Variants in ITGA9 observed in about 807,000 individuals in gnomAD.
The protein encoded by ITGA9 is integrin subunit alpha 9, also known as integrin alpha-9.
Under a neutral mutation model 127.8 loss-of-function variants are expected in ITGA9, and 56 were observed. That is an observed-to-expected ratio of 0.44 (90% confidence interval 0.35 to 0.55). The LOEUF is 0.55. Among genes scored for constraint, ITGA9 ranks in the 20% least tolerant of loss-of-function variants. The probability of loss-of-function intolerance (pLI) is 0.00; values close to 1 mark genes in which losing one functional copy is unlikely to be tolerated. For synonymous variants in ITGA9, 508 were observed against 514.5 expected, an observed-to-expected ratio of 0.99 and a Z score of 0.17; for missense variants, 1,196 against 1,347.1, an observed-to-expected ratio of 0.89 and a Z score of 1.76.
chr3:37,602,309 A>C (rs112283783), intron 15 of ITGA9, among the ~76,000 whole-genome samples: 4,121 of 152,358 alleles, frequency 0.027, 68 homozygotes, highest in Non-Finnish European at 0.042. Context: ...ATATCCCATC[A>C]GTTTATTCAA....
intron 18 of ITGA9, among the ~76,000 whole-genome samples, chr3:37,713,000 A>G (rs549898632): frequency 6.6e-6 from 1 of 152,184 alleles, no homozygotes; most frequent in Admixed American, 6.5e-5. Flanking sequence ...GCAGACCGTC[A>G]TCCTCCTGCC....
chr3:37,784,721 GCA>G (rs1491270701), intron 25 of ITGA9, among the ~76,000 whole-genome samples: 1 of 152,136 alleles, frequency 6.6e-6, no homozygotes, highest in Non-Finnish European at 1.5e-5. Context: ...GGAAACCACA[GCA>G]CACATCTTGC....
rs927439642 is a variant in ITGA9, at chr3:37,707,716, T to A, written c.2067+23701T>A. Among the ~76,000 whole-genome samples the A allele has an allele frequency of 9.9e-5, 15 of 152,246 alleles. No individual in the cohort carries two copies. In the East Asian group the frequency reaches 2.9e-3, roughly 29 times the overall value. Reference sequence around the variant, plus strand: ...TGGAGCCTAGTAAAATCCATGCTACTGTTCTGCAATTGTTCTTTTATTCTT... The same window carrying A: ...TGGAGCCTAGTAAAATCCATGCTACAGTTCTGCAATTGTTCTTTTATTCTT... On this transcript the variant is annotated intron_variant, in intron 18 of 27. Transcript: ENST00000264741.
intron 27 of ITGA9, among the ~76,000 whole-genome samples, chr3:37,817,278 C>CA (rs1697446815): frequency 6.6e-6 from 1 of 152,168 alleles, no homozygotes; most frequent in African/African-American, 2.4e-5. Flanking sequence ...AAGGGTTTTC[C>CA]AGTATGACTT....
Position 37,814,277 on chromosome 3 carries a change from C to T in ITGA9, c.3010-4614C>T, listed in dbSNP as rs184968231. On this transcript the variant is annotated intron_variant, in intron 27 of 27. Transcript: ENST00000264741. The surrounding 1 kb of genome is among the most constrained non-coding windows in gnomAD (Gnocchi z 4.3). The stretch of plus-strand genomic sequence containing the variant: ...CTATGGCTCGAAGCCAGAAAATAAC[C>T]TTCCCAGGCTGGGCGCGGTGGCTCA... 6.6e-6 allele frequency among the ~76,000 whole-genome samples: 1 copy of T among 152,276 alleles called. No homozygotes were observed. Among genetic ancestry groups the T allele is most frequent in the Non-Finnish European group, 1.5e-5 (1 of 67,998 alleles).
At chr3:37,600,449 CT>C (rs1699911904) in intron 15 of ITGA9, among the ~76,000 whole-genome samples, 1 of 152,174 alleles carries the variant, frequency 6.6e-6, no homozygotes, top group Non-Finnish European at 1.5e-5. Flanking sequence ...GGCCTCTTCC[CT>C]AGCCCCACAC....
At position 37,597,484 on chromosome 3, in the gene ITGA9, C is replaced by T. The variant is rs1699880132; in HGVS notation, c.1690-31703C>T. Among the ~76,000 whole-genome samples, 1 of 152,096 alleles carries T rather than the reference C, an allele frequency of 6.6e-6. No individual in the cohort carries two copies. The highest frequency in any genetic ancestry group is 1.5e-5 in the Non-Finnish European group (1 of 68,006). ...AGAAGAGGGCAGGCTGCAGAAAAGGCAGGATACGAGGTAGAACTCCCACAG... is the reference window on the plus strand; with the variant it reads ...AGAAGAGGGCAGGCTGCAGAAAAGGTAGGATACGAGGTAGAACTCCCACAG... On this transcript the variant is annotated intron_variant, in intron 15 of 27. Coordinates refer to ENST00000264741, the MANE Select transcript of ITGA9 (RefSeq NM_002207.3). The surrounding 1 kb of genome is among the most constrained non-coding windows in gnomAD (Gnocchi z 4.6).
At chr3:37,707,454 C>T (rs1701019412) in intron 18 of ITGA9, among the ~76,000 whole-genome samples, 1 of 152,058 alleles carries the variant, frequency 6.6e-6, no homozygotes, top group Non-Finnish European at 1.5e-5. Flanking sequence ...TTTGCAGTAC[C>T]CTCAAGTACT....
At chr3:37,523,686 T>C (rs1055584560) in intron 12 of ITGA9, 75 bp downstream of exon 12, 11 of 1,052,662 alleles carry the variant, frequency 1.0e-5, no homozygotes, top group Non-Finnish European at 1.6e-5. Flanking sequence ...TTCAGTCTGG[T>C]TAGCAATCAT....
At chr3:37,577,544 A>G (rs1264877688) in intron 15 of ITGA9, among the ~76,000 whole-genome samples, 1 of 152,262 alleles carries the variant, frequency 6.6e-6, no homozygotes. Flanking sequence ...CTTAAAAGGC[A>G]TAAAAAAGTG....
At chr3:37,642,449 T>A (rs1437008913) in intron 16 of ITGA9, among the ~76,000 whole-genome samples, 1 of 152,236 alleles carries the variant, frequency 6.6e-6, no homozygotes, top group Non-Finnish European at 1.5e-5. Context: ...AGAGCCCTTC[T>A]GGAAGAACAC....
At chr3:37,618,763 G>T (rs1263392688) in intron 15 of ITGA9, among the ~76,000 whole-genome samples, 1 of 152,258 alleles carries the variant, frequency 6.6e-6, no homozygotes, top group Non-Finnish European at 1.5e-5. Context: ...CTCCGAGCTA[G>T]GCACGGGATA....
At chr3:37,778,872 GTTTTTTTTTTT>G (rs10583231) in intron 24 of ITGA9, among the ~76,000 whole-genome samples, 16 of 106,260 alleles carry the variant, frequency 1.5e-4, no homozygotes, top group Non-Finnish European at 2.1e-4. Context: ...GAAAGGTTGG[GTTTTTTTTTTT>G]TTTTTTTTTT....
At chr3:37,777,366 T>G in intron 23 of ITGA9, 26 bp from the exon 24 acceptor site, 1 of 1,613,986 alleles carries the variant, frequency 6.2e-7, no homozygotes, top group Admixed American at 1.7e-5. Flanking sequence ...GAATGACTCC[T>G]CTGACAGGCC....
intron 15 of ITGA9, among the ~76,000 whole-genome samples, chr3:37,563,022 C>T (rs552726168): frequency 1.3e-4 from 20 of 151,988 alleles, no homozygotes; most frequent in African/African-American, 3.4e-4. Context: ...CCCAGCACCA[C>T]GCAGAGTAAT....
intron 18 of ITGA9, among the ~76,000 whole-genome samples, chr3:37,686,299 A>T (rs1302150891): frequency 1.3e-5 from 2 of 152,012 alleles, no homozygotes; most frequent in African/African-American, 4.8e-5. Context: ...TGTCGGGTCA[A>T]AGCTAGCCTT....
At chr3:37,644,647 TA>T (rs1051936740) in intron 16 of ITGA9, among the ~76,000 whole-genome samples, 2 of 151,880 alleles carry the variant, frequency 1.3e-5, no homozygotes, top group Non-Finnish European at 2.9e-5. Flanking sequence ...AGCCATGGAG[TA>T]AAAAAAACAC....
At chr3:37,748,758 A>G in intron 22 of ITGA9, 1 of 629,208 alleles carries the variant, frequency 1.6e-6, no homozygotes, top group East Asian at 2.8e-5. Context: ...AAAAAAAAAA[A>G]AAAAAAAAAG....
At chr3:37,780,929 A>G (rs1313686152) in intron 25 of ITGA9, among the ~76,000 whole-genome samples, 1 of 152,224 alleles carries the variant, frequency 6.6e-6, no homozygotes, top group Non-Finnish European at 1.5e-5. Context: ...TTGCTGGTAG[A>G]TAATGCCAGG....
Sources: gnomAD v4.1 joint callset for allele counts (sites outside exome capture counted in the v4.1 genomes callset) on GRCh38, gnomAD v4.1.1 for gene constraint, Gnocchi (gnomAD v3.1) non-coding constraint, MANE v1.5 for transcripts, NCBI Gene and HGNC (gene_info 2026-07-23, HGNC 2026-07-21) for gene names.